EYA4: variants seen among roughly 807,000 people sequenced by gnomAD.
EYA4 encodes EYA transcriptional coactivator and phosphatase 4.
In EYA4, 31 loss-of-function variants were observed where a neutral mutation model predicts 87.9. The ratio of observed to expected loss-of-function variants is 0.35; its 90% CI spans 0.27 to 0.48. The LOEUF is 0.48. Among genes scored for constraint, EYA4 ranks in the 20% least tolerant of loss-of-function variants. The pLI is 0.99. For missense variants in EYA4, 678 were observed against 761.4 expected, an observed-to-expected ratio of 0.89 and a Z score of 1.29; for synonymous variants, 263 against 270.6, an observed-to-expected ratio of 0.97 and a Z score of 0.28.
intron 3 of EYA4, among the ~76,000 whole-genome samples, chr6:133,429,985 C>T (rs145663827): frequency 2.7e-5 from 4 of 149,412 alleles, no homozygotes; most frequent in African/African-American, 1.0e-4. Flanking sequence ...GTGAACACAG[C>T]ACCCAACAGT....
chr6:133,316,763 CCTT>C (rs761728461), intron 2 of EYA4, among the ~76,000 whole-genome samples: 1 of 152,164 alleles, frequency 6.6e-6, no homozygotes, highest in South Asian at 2.1e-4. Flanking sequence ...TCTGGCATGG[CCTT>C]CTTTTTCCTT....
intron 2 of EYA4, among the ~76,000 whole-genome samples, chr6:133,381,791 G>A (rs1340376620): frequency 4.6e-5 from 7 of 152,244 alleles, no homozygotes; most frequent in South Asian, 4.1e-4. Flanking sequence ...AGATAGCATG[G>A]CCTAGAAGTA....
At chr6:133,275,504 C>T (rs1426001691) in intron 2 of EYA4, among the ~76,000 whole-genome samples, 8 of 151,424 alleles carry the variant, frequency 5.3e-5, no homozygotes, top group East Asian at 3.9e-4. Context: ...AGTAACAAGA[C>T]GTGTGCTTAC....
chr6:133,499,299 G>T lies in EYA4; in HGVS notation c.1192-6807G>T, dbSNP rs558287084. On this transcript the variant is annotated intron_variant, in intron 13 of 19. Transcript: ENST00000355286. The stretch of plus-strand genomic sequence containing the variant: ...GGAGTCCTGAGGAGCCTCGTGAGGT[G>T]TGTGTATTTGCCACCTCTGCTCTGC... Among the ~76,000 whole-genome samples the T allele has an allele frequency of 2.0e-5, 3 of 152,266 alleles. No individual in the cohort carries two copies. The East Asian group carries it at 5.8e-4, about 29-fold the overall frequency.
rs1020367366 is a variant in EYA4 at position 133,528,809 on chromosome 6, T to C, written c.*4T>C. On this transcript the variant is annotated 3_prime_UTR_variant, in exon 20 of 20. Transcript: ENST00000355286. ...ACTGGAATTAGAGTATTTGTAACTGTGTTCTTTAGCCGGAGATCCATTTTT... is the reference window on the plus strand; with the variant it reads ...ACTGGAATTAGAGTATTTGTAACTGCGTTCTTTAGCCGGAGATCCATTTTT... 5.0e-6 allele frequency: 8 copies of C among 1,613,500 alleles called. No homozygotes were observed. In the Admixed American group the frequency reaches 8.3e-5, roughly 17 times the overall value.
At chr6:133,503,057 G>C (rs1349767568) in intron 13 of EYA4, among the ~76,000 whole-genome samples, 1 of 152,218 alleles carries the variant, frequency 6.6e-6, no homozygotes, top group Non-Finnish European at 1.5e-5. Flanking sequence ...TTGCATTCCA[G>C]TGGAGTGCTC....
intron 2 of EYA4, among the ~76,000 whole-genome samples, chr6:133,300,431 C>T (rs1277883163): frequency 6.6e-6 from 1 of 151,960 alleles, no homozygotes; most frequent in Non-Finnish European, 1.5e-5. Flanking sequence ...CCTGATCTTC[C>T]TTCAGAAGTT....
chr6:133,451,898 A>T (rs1441667022), intron 5 of EYA4, among the ~76,000 whole-genome samples: 3 of 152,198 alleles, frequency 2.0e-5, no homozygotes, highest in Non-Finnish European at 2.9e-5. Flanking sequence ...CTCACATATA[A>T]TGAATTAGTA....
intron 1 of EYA4, among the ~76,000 whole-genome samples, chr6:133,262,665 A>T (rs211443): frequency 6.6e-6 from 1 of 152,170 alleles, no homozygotes; most frequent in Non-Finnish European, 1.5e-5. Context: ...ACTTATGACA[A>T]ATGACCCAAA....
intron 3 of EYA4, among the ~76,000 whole-genome samples, chr6:133,445,802 G>A (rs1401941417): frequency 4.6e-5 from 7 of 151,978 alleles, no homozygotes; most frequent in Admixed American, 3.3e-4. Flanking sequence ...GGATGGTCTC[G>A]ATCTCCTGAC....
At chr6:133,432,556 C>T (rs570488259) in intron 3 of EYA4, among the ~76,000 whole-genome samples, 74 of 151,908 alleles carry the variant, frequency 4.9e-4, no homozygotes, top group African/African-American at 1.6e-3. Flanking sequence ...AGGGAGTTCC[C>T]TGACATCTCC....
intron 2 of EYA4, among the ~76,000 whole-genome samples, chr6:133,276,443 A>G (rs1013674571): frequency 6.6e-6 from 1 of 152,220 alleles, no homozygotes; most frequent in Non-Finnish European, 1.5e-5. Context: ...ATATATTTTT[A>G]TGTTTAACAC....
At position 133,481,602 on chromosome 6, in the gene EYA4, A is replaced by G; in HGVS notation, c.1107+3A>G. The G allele has an allele frequency of 6.2e-7, 1 of 1,613,754 alleles. No homozygotes were observed. ...CGCCTCCTGATAGTGACCTGGAGGT[A>G]TGCCTACTCATTCTTAAAGATTGTA... On this transcript the variant is annotated splice_donor_region_variant and intron_variant, in intron 12 of 19. Coordinates refer to ENST00000355286, the MANE Select transcript of EYA4 (RefSeq NM_004100.5).
intron 2 of EYA4, among the ~76,000 whole-genome samples, chr6:133,315,218 C>T (rs1290739387): frequency 6.6e-6 from 1 of 151,976 alleles, no homozygotes; most frequent in Non-Finnish European, 1.5e-5. Context: ...GCTGTGTAGT[C>T]AGGGGAGGCT....
chr6:133,386,221 G>C (rs1314727544), intron 3 of EYA4, among the ~76,000 whole-genome samples: 1 of 151,894 alleles, frequency 6.6e-6, no homozygotes, highest in Non-Finnish European at 1.5e-5. Context: ...ATTTTGCATT[G>C]ATGTTTTTTT....
intron 17 of EYA4, among the ~76,000 whole-genome samples, chr6:133,519,924 A>G (rs987323650): frequency 1.3e-5 from 2 of 151,820 alleles, no homozygotes; most frequent in South Asian, 2.1e-4. Context: ...ATGCAGAAAA[A>G]GCCTTTGACA....
intron 3 of EYA4, among the ~76,000 whole-genome samples, chr6:133,417,575 A>G (rs1378574985): frequency 6.6e-6 from 1 of 152,148 alleles, no homozygotes; most frequent in South Asian, 2.1e-4. Flanking sequence ...GTTAGAATAT[A>G]TATGTTCTAT....
intron 3 of EYA4, among the ~76,000 whole-genome samples, chr6:133,419,874 A>G (rs969609953): frequency 6.6e-6 from 1 of 152,202 alleles, no homozygotes; most frequent in African/African-American, 2.4e-5. Context: ...GGCATTAAAG[A>G]TAGACATTTA....
intron 3 of EYA4, among the ~76,000 whole-genome samples, chr6:133,386,745 T>G (rs569428021): frequency 6.6e-6 from 1 of 152,306 alleles, no homozygotes; most frequent in Non-Finnish European, 1.5e-5. Context: ...TTAGTAGCTT[T>G]GTTTCATCCT....
Sources: allele counts gnomAD v4.1 joint callset (sites outside exome capture counted in the v4.1 genomes callset), GRCh38; gene constraint gnomAD v4.1.1; transcripts MANE v1.5; gene names NCBI Gene and HGNC (gene_info 2026-07-23, HGNC 2026-07-21).